The following ZNF578 variants were observed in gnomAD, a reference collection of about 807,000 sequenced individuals.
ZNF578 encodes the protein zinc finger protein 578, also known as Putative chemokine-related protein B42.
ZNF578 carries 8 observed loss-of-function variants against 8.3 expected under a neutral mutation model. That is an observed-to-expected ratio of 0.96 (90% CI 0.56 to 1.74). The LOEUF is 1.74. Among genes scored for constraint, ZNF578 ranks in the 40% most tolerant of loss-of-function variants. ZNF578 has a pLI of 0.00. For synonymous variants in ZNF578, 206 were observed against 232.2 expected, an observed-to-expected ratio of 0.89 and a Z score of 1.03; for missense variants, 726 against 707.5, an observed-to-expected ratio of 1.03 and a Z score of -0.30.
Position 52,515,574 on chromosome 19 carries a change from AG to A in ZNF578, c.*3421del, listed in dbSNP as rs1241420708. Among the ~76,000 whole-genome samples the A allele has an allele frequency of 1.3e-5, 2 of 152,084 alleles. No homozygotes were observed. Among genetic ancestry groups the A allele is most frequent in the East Asian group, 3.9e-4 (2 of 5,172 alleles). On this transcript the variant is annotated 3_prime_UTR_variant, in exon 6 of 6. Transcript: ENST00000421239. ...CTTTAGACACCTTCTCACTCATCTCAGACCTTCTCAGGGTAACTTGGTGAAA... is the reference window on the plus strand; with the variant it reads ...CTTTAGACACCTTCTCACTCATCTCAACCTTCTCAGGGTAACTTGGTGAAA...
intron 2 of ZNF578, among the ~76,000 whole-genome samples, chr19:52,483,322 G>C (rs4802957): frequency 0.61 from 92,983 of 151,916 alleles, 28,610 homozygotes; most frequent in Admixed American, 0.64. Context: ...GGCTGAGGCA[G>C]GAGAATTGCT....
intron 2 of ZNF578, chr19:52,474,952 C>T (rs2059303458): frequency 5.1e-6 from 1 of 197,780 alleles, no homozygotes; most frequent in Non-Finnish European, 1.2e-5. Context: ...CGACTAAAGA[C>T]TTTGCCACAT....
intron 3 of ZNF578, among the ~76,000 whole-genome samples, chr19:52,492,136 C>A (rs1378075089): frequency 1.7e-5 from 2 of 119,186 alleles, no homozygotes; most frequent in African/African-American, 6.2e-5. Context: ...CCAGCCTGGG[C>A]GACAGAGAGA....
chr19:52,488,887 T>A (rs908417859), intron 2 of ZNF578, among the ~76,000 whole-genome samples: 1 of 151,620 alleles, frequency 6.6e-6, no homozygotes, highest in Non-Finnish European at 1.5e-5. Flanking sequence ...AGGTCATGAG[T>A]TGGAGACTAC....
intron 3 of ZNF578, among the ~76,000 whole-genome samples, chr19:52,494,316 C>A (rs2059378000): frequency 6.6e-6 from 1 of 151,760 alleles, no homozygotes; most frequent in Admixed American, 6.6e-5. Flanking sequence ...GTGAGACCCG[C>A]CATCGCTGTC....
At chr19:52,499,866 T>C (rs1454900415) in intron 3 of ZNF578, among the ~76,000 whole-genome samples, 4 of 151,878 alleles carry the variant, frequency 2.6e-5, no homozygotes, top group African/African-American at 4.8e-5. Context: ...GGGAGAAAAA[T>C]GTTTGAAGAC....
chr19:52,470,142 C>T (rs1232898006), intron 2 of ZNF578, among the ~76,000 whole-genome samples: 1 of 152,200 alleles, frequency 6.6e-6, no homozygotes, highest in Non-Finnish European at 1.5e-5. Context: ...AGGCTGCTTT[C>T]AGCCTTTGTA....
chr19:52,461,557 A>G (rs1018181178), intron 2 of ZNF578, among the ~76,000 whole-genome samples: 1 of 152,196 alleles, frequency 6.6e-6, no homozygotes. Context: ...CTGGTATCCA[A>G]ACTCCTTCTC....
Position 52,514,539 on chromosome 19 carries a change from T to C in ZNF578, c.*2385T>C, listed in dbSNP as rs1415459692. On this transcript the variant is annotated 3_prime_UTR_variant, in exon 6 of 6. Transcript: ENST00000421239. ...TTTTCAGTTTTCTTTCCTTATGTCA[T>C]TTTTTAAAATCTTGAGCTGGGAGCT... Among the ~76,000 whole-genome samples the C allele has an allele frequency of 2.0e-5, 3 of 152,234 alleles. No homozygotes were observed. Among genetic ancestry groups the C allele is most frequent in the African/African-American group, 4.8e-5 (2 of 41,470 alleles).
intron 3 of ZNF578, among the ~76,000 whole-genome samples, chr19:52,493,285 T>C (rs2059373038): frequency 6.6e-6 from 1 of 152,032 alleles, no homozygotes; most frequent in Non-Finnish European, 1.5e-5. Flanking sequence ...GTGTCACCCT[T>C]GTCTTAAGGC....
In ZNF578 at chr19:52,513,337, C is replaced by CTTTTTTTTTTTTTTTTT. The variant is rs11318311; in HGVS notation, c.*1191_*1207dup. ...GCGCCTGGCATTGTTTCTTCTTTTCCTTTTTTTTTTTTTTTTTTTTTTTTG... is the reference window on the plus strand; with the variant it reads ...GCGCCTGGCATTGTTTCTTCTTTTCCTTTTTTTTTTTTTTTTTTTTTTTTTTTTTTTTTTTTTTTTTG... On this transcript the variant is annotated 3_prime_UTR_variant, in exon 6 of 6. Coordinates refer to ENST00000421239, the MANE Select transcript of ZNF578 (RefSeq NM_001099694.2). 2.0e-5 allele frequency among the ~76,000 whole-genome samples: 2 copies of CTTTTTTTTTTTTTTTTT among 101,342 alleles called. No individual in the cohort carries two copies. Among genetic ancestry groups the CTTTTTTTTTTTTTTTTT allele is most frequent in the Non-Finnish European group, 3.9e-5 (2 of 51,050 alleles). The allele number at this position is 101,342 out of a possible 152,430, so 66.5% of individuals were successfully genotyped here. A position where few individuals can be genotyped will look rare whatever the true frequency, so the allele number is the denominator to read the frequency against.
In ZNF578 at chr19:52,510,923, A is replaced by T. The variant is rs2059442679; in HGVS notation, c.542A>T (p.Glu181Val). ...GAAGAGAAAATTGCTAATCAAGTGG[A>T]GAAGTCTGTCAACGATGCTTCCTCA... The part of the protein sequence containing the change: ...QPEEKIANQV[E>V]KSVNDASSIS... The change falls in exon 6 of 6, where the codon GAG becomes GTG. Residue 181 changes from glutamate (E) to valine (V), a missense_variant. Transcript: ENST00000421239. The T allele has an allele frequency of 1.9e-6, 3 of 1,614,186 alleles. No individual in the cohort carries two copies. Among genetic ancestry groups the T allele is most frequent in the Non-Finnish European group, 2.5e-6 (3 of 1,180,026 alleles).
intron 3 of ZNF578, among the ~76,000 whole-genome samples, chr19:52,493,983 T>A (rs2059376589): frequency 8.3e-6 from 1 of 120,086 alleles, no homozygotes; most frequent in Non-Finnish European, 1.8e-5. Flanking sequence ...AGAGCAAAAC[T>A]CCGTCCAAAA....
intron 2 of ZNF578, chr19:52,458,701 T>C (rs1475760190): frequency 6.6e-6 from 1 of 151,980 alleles, no homozygotes; most frequent in Non-Finnish European, 1.5e-5. Context: ...CATTTTTTAA[T>C]TGTAAGACAA....
In ZNF578 at chr19:52,514,123, A is replaced by G. The variant is rs1440900601; in HGVS notation, c.*1969A>G. On this transcript the variant is annotated 3_prime_UTR_variant, in exon 6 of 6. Transcript: ENST00000421239. ...CCTTCTGGTTCCTCTTCAGTTCTCT[A>G]TTTATTTTTTCTTTTTTGCAGATTG... Among the ~76,000 whole-genome samples, 2 of 151,072 alleles carry G rather than the reference A, an allele frequency of 1.3e-5. No homozygotes were observed. The highest frequency in any genetic ancestry group is 6.6e-5 in the Admixed American group (1 of 15,154).
intron 2 of ZNF578, among the ~76,000 whole-genome samples, chr19:52,481,186 C>T (rs1422419512): frequency 1.3e-5 from 2 of 152,068 alleles, no homozygotes; most frequent in Non-Finnish European, 1.5e-5. Context: ...GGGCACTGAC[C>T]TTATATCGGC....
chr19:52,504,759 C>G lies in ZNF578; in HGVS notation c.168C>G (p.Asn56Lys), dbSNP rs755111978. 1.2e-6 allele frequency: 2 copies of G among 1,614,138 alleles called. No homozygotes were observed. Among genetic ancestry groups the G allele is most frequent in the East Asian group, 2.2e-5 (1 of 44,870 alleles). ...TGTACAGGGAAGTGATGTTGGAGAA[C>G]TACAGGAACCTGGAGGCTGTGGGTG... Reference protein sequence around the residue: ...RALYREVMLENYRNLEAVDIS... With the variant: ...RALYREVMLEKYRNLEAVDIS... The change falls in exon 5 of 6, where the codon AAC (asparagine) becomes AAG (lysine). Residue 56 changes from asparagine (N) to lysine (K), a missense_variant. Transcript: ENST00000421239.
intron 3 of ZNF578, among the ~76,000 whole-genome samples, chr19:52,492,670 C>CCGCCCCTGCACAGGTTCT (rs2059369929): frequency 2.0e-5 from 3 of 152,294 alleles, no homozygotes; most frequent in South Asian, 4.1e-4. Context: ...CCTGCCAGGC[C>CCGCCCCTGCACAGGTTCT]AAGTGATGCA....
intron 5 of ZNF578, among the ~76,000 whole-genome samples, chr19:52,506,496 A>G (rs1298364468): frequency 4.2e-5 from 5 of 119,076 alleles, no homozygotes; most frequent in African/African-American, 1.6e-4. Context: ...AAGATGGAGT[A>G]TTGCTCTGTC....
Sources: gnomAD v4.1 joint callset for allele counts (sites outside exome capture counted in the v4.1 genomes callset) on GRCh38, gnomAD v4.1.1 for gene constraint, MANE v1.5 for transcripts, NCBI Gene and HGNC (gene_info 2026-07-23, HGNC 2026-07-21) for gene names.